FGG: variants seen among roughly 807,000 people sequenced by gnomAD.
The protein encoded by FGG is fibrinogen gamma chain, also known as fibrinogen, gamma polypeptide.
In FGG, 20 loss-of-function variants were observed where a neutral mutation model predicts 51.7. The observed-to-expected ratio is 0.39, with a 90% CI of 0.27 to 0.56. The LOEUF is 0.56. Among genes scored for constraint, FGG ranks in the 20% least tolerant of loss-of-function variants. The pLI, the probability that FGG is intolerant of heterozygous loss-of-function variation, is 0.64. For missense variants in FGG, 460 were observed against 534.2 expected (o/e 0.86, Z 1.37); for synonymous variants, 184 against 184.7 (o/e 1.00, Z 0.03).
Position 154,604,803 on chromosome 4 carries a change from T to C in FGG, c.*31A>G, listed in dbSNP as rs1159007144. 1.2e-6 allele frequency: 2 copies of C among 1,612,992 alleles called. No individual in the cohort carries two copies. Among genetic ancestry groups the C allele is most frequent in the Non-Finnish European group, 8.5e-7 (1 of 1,179,826 alleles). On this transcript the variant is annotated 3_prime_UTR_variant, in exon 9 of 9. Transcript: ENST00000336098. Reference sequence around the variant, plus strand: ...AACTTTCAGAGAATTTCTGAAACTTTGTGGGTCAATAGAAGTTAGCAGTTA... The same window carrying C: ...AACTTTCAGAGAATTTCTGAAACTTCGTGGGTCAATAGAAGTTAGCAGTTA...
chr4:154,609,679 A>G lies in FGG; in HGVS notation c.617T>C (p.Val206Ala). ...TCCAGACCCATCGATTTCACAGTAGACTAAGAATTGCTGGTTAGCTTTCAG... is the reference window on the plus strand; with the variant it reads ...TCCAGACCCATCGATTTCACAGTAGGCTAAGAATTGCTGGTTAGCTTTCAG... ...KPLKANQQFL[V>A]YCEIDGSGNG... The change falls in exon 6 of 9, where the codon GTC (valine) becomes GCC (alanine). Residue 206 changes from valine (V) to alanine (A), a missense_variant. Physicochemically the swap from Val to Ala is moderately conservative, Grantham distance 64 (BLOSUM62 0). Coordinates refer to ENST00000336098, the MANE Select transcript of FGG (RefSeq NM_021870.3). 6.2e-7 allele frequency: 1 copy of G among 1,614,024 alleles called. No individual in the cohort carries two copies.
rs1189512130 is a variant in FGG at position 154,610,204 on chromosome 4, A to G, written c.402-7T>C. The G allele has an allele frequency of 6.5e-7, 1 of 1,548,142 alleles. No individual in the cohort carries two copies. The highest frequency in any genetic ancestry group is 1.1e-5 in the South Asian group (1 of 89,610). ...ATATATTTCCTGCAAATATCTACAA[A>G]CAGAAACATAAGATAACAAAAATAA... On this transcript the variant is annotated splice_polypyrimidine_tract_variant and splice_region_variant and intron_variant, in intron 4 of 8. Coordinates refer to ENST00000336098, the MANE Select transcript of FGG (RefSeq NM_021870.3).
At chr4:154,605,378 T>C (rs1035898535) in intron 8 of FGG, among the ~76,000 whole-genome samples, 3 of 152,284 alleles carry the variant, frequency 2.0e-5, no homozygotes, top group African/African-American at 7.2e-5. Flanking sequence ...TCAGCTGCTG[T>C]GGACCATCTT....
At chr4:154,609,996 C>G in intron 5 of FGG, 71 bp downstream of exon 5, 1 of 1,596,136 alleles carries the variant, frequency 6.3e-7, no homozygotes, top group Non-Finnish European at 8.6e-7. Flanking sequence ...CCTATACTTT[C>G]CAGTACATAC....
Position 154,608,527 on chromosome 4 carries a change from T to C in FGG, c.790A>G (p.Thr264Ala). ...AATGCATATGGGATGGCAGACTGTG[T>C]GCTTATCAAATGAATCTTCTCATTT... The part of the protein sequence containing the change: ...LGNEKIHLIS[T>A]QSAIPYALRV... The change falls in exon 7 of 9, where the codon ACA becomes GCA. Residue 264 changes from threonine to alanine, a missense_variant. Thr to Ala is a moderately conservative substitution (Grantham distance 58). Transcript: ENST00000336098. The C allele has an allele frequency of 6.2e-7, 1 of 1,613,848 alleles. No homozygotes were observed.
Position 154,604,182 on chromosome 4 carries a change from A to C in FGG, c.*652T>G. The C allele has an allele frequency of 2.0e-6, 1 of 496,834 alleles. No individual in the cohort carries two copies. Among genetic ancestry groups the C allele is most frequent in the East Asian group, 3.5e-5 (1 of 28,492 alleles). The allele number at this position is 496,834 out of a possible 1,614,324, so 30.8% of individuals were successfully genotyped here. ...TTATTGAAATGCATGTAGATAAATTATCATCAGCATAAAACTGTTATGGAG... is the reference window on the plus strand; with the variant it reads ...TTATTGAAATGCATGTAGATAAATTCTCATCAGCATAAAACTGTTATGGAG... On this transcript the variant is annotated 3_prime_UTR_variant, in exon 9 of 9. Transcript: ENST00000336098.
intron 8 of FGG, among the ~76,000 whole-genome samples, chr4:154,606,097 G>A (rs1057427909): frequency 6.6e-6 from 1 of 151,910 alleles, no homozygotes; most frequent in Non-Finnish European, 1.5e-5. Context: ...CTTTAGCATC[G>A]GTAAGGCTTC....
rs1386349870 is a variant in FGG, at chr4:154,611,850, A to G, written c.356T>C (p.Ile119Thr). ...TLKSRKMLEEIMKYEASILTH... is the reference protein window; with the variant it reads ...TLKSRKMLEETMKYEASILTH... The stretch of plus-strand genomic sequence containing the variant: ...TAAAATCGATGCTTCATATTTCATA[A>G]TTTCTTCTAACATTTTCCTGGACTT... Residue 119 changes from isoleucine to threonine, a missense_variant, in exon 4 of 9, where the codon ATT (isoleucine) becomes ACT (threonine). Ile to Thr is a moderately conservative substitution (Grantham distance 89, BLOSUM62 -1). Transcript: ENST00000336098. 6.2e-7 allele frequency: 1 copy of G among 1,612,282 alleles called. No individual in the cohort carries two copies. Among genetic ancestry groups the G allele is most frequent in the South Asian group, 1.1e-5 (1 of 90,986 alleles).
Position 154,607,342 on chromosome 4 carries a change from A to T in FGG, c.852-360T>A, listed in dbSNP as rs113750303. Among the ~76,000 whole-genome samples the T allele has an allele frequency of 3.6e-3, 541 of 152,348 alleles. 4 individuals are homozygous for T. Among genetic ancestry groups the T allele is most frequent in the African/African-American group, 0.012 (509 of 41,590 alleles). ...AAATGTTATGTGTTGCACACACATT[A>T]TCATAGATCACAGAAAGTATCTGAC... is the stretch of plus-strand genomic sequence containing the variant. On this transcript the variant is annotated intron_variant, in intron 7 of 8. Transcript: ENST00000336098.
At chr4:154,611,672 A>G (rs868854421) in intron 4 of FGG, 133 bp downstream of exon 4, 17 of 648,140 alleles carry the variant, frequency 2.6e-5, no homozygotes, top group African/African-American at 2.4e-4. Flanking sequence ...ACTATGCTCA[A>G]CATAATCAGG....
At chr4:154,607,879 C>A (rs1731129163) in intron 7 of FGG, among the ~76,000 whole-genome samples, 1 of 151,954 alleles carries the variant, frequency 6.6e-6, no homozygotes, top group African/African-American at 2.4e-5. Context: ...TGCTTAAAAC[C>A]TTCAAATATC....
At position 154,609,745 on chromosome 4, in the gene FGG, T is replaced by C. The variant is rs1731166828; in HGVS notation, c.551A>G (p.Asn184Ser). The change falls in exon 6 of 9, where the codon AAT (asparagine) becomes AGT (serine). Residue 184 changes from asparagine (N) to serine (S), a missense_variant. Asn to Ser is a conservative substitution (Grantham distance 46, BLOSUM62 1). Coordinates refer to ENST00000336098, the MANE Select transcript of FGG (RefSeq NM_021870.3). Reference protein sequence around the residue: ...ITGKDCQDIANKGAKQSGLYF... With the variant: ...ITGKDCQDIASKGAKQSGLYF... ...AAGCCCGCTCTGTTTAGCTCCCTTATTGGCAATGTCTTGACAATCTAGAGA... is the reference window on the plus strand; with the variant it reads ...AAGCCCGCTCTGTTTAGCTCCCTTACTGGCAATGTCTTGACAATCTAGAGA... 1.2e-6 allele frequency: 2 copies of C among 1,614,046 alleles called. No homozygotes were observed. The highest frequency in any genetic ancestry group is 8.5e-7 in the Non-Finnish European group (1 of 1,179,940).
Position 154,604,658 on chromosome 4 carries a change from T to C in FGG, c.*176A>G. The C allele has an allele frequency of 7.2e-7, 1 of 1,386,260 alleles. No homozygotes were observed. The highest frequency in any genetic ancestry group is 9.4e-7 in the Non-Finnish European group (1 of 1,065,924). 85.9% of individuals were successfully genotyped at this position (1,386,260 alleles called of 1,614,324 possible). On this transcript the variant is annotated 3_prime_UTR_variant, in exon 9 of 9. Coordinates refer to ENST00000336098, the MANE Select transcript of FGG (RefSeq NM_021870.3). ...TCTCCTCAAATAAACAATTTTTAAA[T>C]AACTCTGATATCAGTAATTTGGAAA...
rs1471111317 is a variant in FGG at position 154,604,800 on chromosome 4, C to T, written c.*34G>A. The T allele has an allele frequency of 2.5e-6, 4 of 1,612,406 alleles. No individual in the cohort carries two copies. Among genetic ancestry groups the T allele is most frequent in the African/African-American group, 1.3e-5 (1 of 74,832 alleles). On this transcript the variant is annotated 3_prime_UTR_variant, in exon 9 of 9. Coordinates refer to ENST00000336098, the MANE Select transcript of FGG (RefSeq NM_021870.3). ...AGAAACTTTCAGAGAATTTCTGAAA[C>T]TTTGTGGGTCAATAGAAGTTAGCAG...
chr4:154,612,424 G>A lies in FGG; in HGVS notation c.90C>T (p.Thr30=). The A allele has an allele frequency of 6.2e-7, 1 of 1,613,720 alleles. No homozygotes were observed. The highest frequency in any genetic ancestry group is 8.5e-7 in the Non-Finnish European group (1 of 1,179,876). ...CATCTAAGATGCAGCAGTTGTCTCT[G>A]GTAGCAACATACTAAAAGAGAAAAA... The part of the protein sequence containing the change: ...LSSTCVAYVA[T]RDNCCILDER... The change falls in exon 2 of 9, where the codon ACC becomes ACT. Residue 30 remains threonine (T), a synonymous_variant. Transcript: ENST00000336098.
chr4:154,604,711 A>C lies in FGG; in HGVS notation c.*123T>G. 6.6e-7 allele frequency: 1 copy of C among 1,516,034 alleles called. No individual in the cohort carries two copies. 93.9% of individuals were successfully genotyped at this position (1,516,034 alleles called of 1,614,324 possible). A position where few individuals can be genotyped will look rare whatever the true frequency, so the allele number is the denominator to read the frequency against. On this transcript the variant is annotated 3_prime_UTR_variant, in exon 9 of 9. Transcript: ENST00000336098. ...CAGTCCTAAATGAGTTTTAATTTCCATTGAAGGCTAAATGTCCTTAATAGA... is the reference window on the plus strand; with the variant it reads ...CAGTCCTAAATGAGTTTTAATTTCCCTTGAAGGCTAAATGTCCTTAATAGA...
intron 8 of FGG, among the ~76,000 whole-genome samples, chr4:154,606,177 T>C (rs1415979617): frequency 6.6e-6 from 1 of 152,110 alleles, no homozygotes; most frequent in Non-Finnish European, 1.5e-5. Flanking sequence ...TAGCAAACTA[T>C]AGCCTCCTCA....
intron 7 of FGG, among the ~76,000 whole-genome samples, chr4:154,607,473 T>C (rs1213487957): frequency 6.6e-6 from 1 of 152,150 alleles, no homozygotes; most frequent in Non-Finnish European, 1.5e-5. Context: ...CTTCCTCAAA[T>C]CAGTGTGGTA....
intron 5 of FGG, 77 bp downstream of exon 5, chr4:154,609,990 T>C (rs906399025): frequency 1.4e-5 from 22 of 1,591,294 alleles, no homozygotes; most frequent in Middle Eastern, 1.7e-4. Context: ...ACTATTCCTA[T>C]ACTTTCCAGT....
Sources: allele counts gnomAD v4.1 joint callset (sites outside exome capture counted in the v4.1 genomes callset), GRCh38; gene constraint gnomAD v4.1.1; transcripts MANE v1.5; gene names NCBI Gene and HGNC (gene_info 2026-07-23, HGNC 2026-07-21).